Variants in DYNAP observed in about 807,000 individuals in gnomAD.
The protein encoded by DYNAP is dynactin associated protein, also known as dynactin-associated protein.
A neutral mutation model predicts 8.5 loss-of-function variants in DYNAP; 7 were observed. That is an observed-to-expected ratio of 0.82 (90% CI 0.47 to 1.54). The LOEUF is 1.54. Among genes scored for constraint, DYNAP ranks in the 40% most tolerant of loss-of-function variants. The pLI, the probability that DYNAP is intolerant of heterozygous loss-of-function variation, is 0.01. For missense variants in DYNAP, 256 were observed against 224.3 expected, an observed-to-expected ratio of 1.14 and a Z score of -0.90; for synonymous variants, 77 against 77.9, an observed-to-expected ratio of 0.99 and a Z score of 0.06.
At chr18:54,594,312 A>T (rs1911197485) in intron 1 of DYNAP, among the ~76,000 whole-genome samples, 1 of 152,154 alleles carries the variant, frequency 6.6e-6, no homozygotes, top group Non-Finnish European at 1.5e-5. Context: ...TAGGCTTGCA[A>T]GTTCCATTGG....
At chr18:54,589,560 T>A (rs1278652779), upstream of DYNAP, among the ~76,000 whole-genome samples, 1 of 152,192 alleles carries the variant, frequency 6.6e-6, no homozygotes, top group Admixed American at 6.5e-5. Flanking sequence ...CTTTTGATTT[T>A]AAATTTTAAA....
upstream of DYNAP, among the ~76,000 whole-genome samples, chr18:54,584,347 A>T (rs1349448163): frequency 6.6e-6 from 1 of 150,462 alleles, no homozygotes; most frequent in African/African-American, 2.4e-5. Context: ...GACATATTTT[A>T]GAGTATTCAT....
upstream of DYNAP, among the ~76,000 whole-genome samples, chr18:54,584,920 A>G (rs1000355393): frequency 2.2e-4 from 34 of 152,204 alleles, no homozygotes; most frequent in African/African-American, 8.2e-4. Flanking sequence ...AGGCAGGCAG[A>G]AAGTTCAGAG....
At chr18:54,585,334 T>A (rs114988444), upstream of DYNAP, among the ~76,000 whole-genome samples, 1,990 of 152,280 alleles carry the variant, frequency 0.013, 42 homozygotes, top group African/African-American at 0.045. Context: ...TTGTTCATTT[T>A]TCAATTCATA....
In DYNAP at chr18:54,597,853, T is replaced by C. The variant is rs755238610; in HGVS notation, c.263T>C (p.Val88Ala). ...CGCAATGACTGGTCTATGTGGAAAG[T>C]CTTCCTGGCTTGTCTCTTAGCCTGT... ...YCRNDWSMWKVFLACLLACVI... is the reference protein window; with the variant it reads ...YCRNDWSMWKAFLACLLACVI... The change falls in exon 3 of 3, where the codon GTC (valine) becomes GCC (alanine). Residue 88 changes from valine to alanine, a missense_variant. Transcript: ENST00000648945. The C allele has an allele frequency of 3.2e-5, 52 of 1,612,902 alleles. No individual in the cohort carries two copies. The highest frequency in any genetic ancestry group is 1.5e-4 in the South Asian group (14 of 91,018).
intron 2 of DYNAP, among the ~76,000 whole-genome samples, chr18:54,597,588 T>C (rs530591352): frequency 6.6e-6 from 1 of 152,028 alleles, no homozygotes; most frequent in East Asian, 1.9e-4. Flanking sequence ...AAATGGAAAA[T>C]AGAATAAGAG....
rs751193132 is a variant in DYNAP at position 54,598,060 on chromosome 18, C to T, written c.470C>T (p.Thr157Ile). 1.9e-6 allele frequency: 3 copies of T among 1,612,794 alleles called. No homozygotes were observed. Among genetic ancestry groups the T allele is most frequent in the Non-Finnish European group, 2.5e-6 (3 of 1,179,410 alleles). Reference sequence around the variant, plus strand: ...ACCACTTCAACTGTACCTGCAAGTACAGCCACTGAATCTACAACTTCAACA... The same window carrying T: ...ACCACTTCAACTGTACCTGCAAGTATAGCCACTGAATCTACAACTTCAACA... ...MTTTSTVPAS[T>I]ATESTTSTAT... The change falls in exon 3 of 3, where the codon ACA (threonine) becomes ATA (isoleucine). Residue 157 changes from threonine to isoleucine, a missense_variant. Coordinates refer to ENST00000648945, the MANE Select transcript of DYNAP (RefSeq NM_173629.3).
At chr18:54,581,726 C>T in the DYNAP span, among the ~76,000 whole-genome samples, 1 of 151,980 alleles carries the variant, frequency 6.6e-6, no homozygotes, top group Non-Finnish European at 1.5e-5. Flanking sequence ...TATATAAATA[C>T]TGTCAGGTAT....
chr18:54,580,750 A>G, the DYNAP span, among the ~76,000 whole-genome samples: 1 of 152,250 alleles, frequency 6.6e-6, no homozygotes, highest in Non-Finnish European at 1.5e-5. Flanking sequence ...CAGAGCCTGA[A>G]GCAATGGCCA....
chr18:54,579,062 G>A, the DYNAP span, among the ~76,000 whole-genome samples: 1 of 152,162 alleles, frequency 6.6e-6, no homozygotes, highest in Non-Finnish European at 1.5e-5. Context: ...GCCTCCCAAA[G>A]TGCTGGGATT....
chr18:54,576,801 CCAACAACAACAACAA>C, the DYNAP span, among the ~76,000 whole-genome samples: 12 of 149,572 alleles, frequency 8.0e-5, no homozygotes, highest in African/African-American at 2.0e-4. Context: ...AGATCTTATC[CCAACAACAACAACAA>C]CAACAACAAC....
At chr18:54,593,889 G>A (rs1911181265) in intron 1 of DYNAP, among the ~76,000 whole-genome samples, 1 of 152,066 alleles carries the variant, frequency 6.6e-6, no homozygotes, top group Non-Finnish European at 1.5e-5. Context: ...AACCATGACT[G>A]TGTCTCTTCA....
intron 2 of DYNAP, among the ~76,000 whole-genome samples, chr18:54,597,518 T>G (rs563300555): frequency 6.6e-6 from 1 of 152,204 alleles, no homozygotes; most frequent in African/African-American, 2.4e-5. Context: ...ATTTCCTGCT[T>G]AGTTTTGCTG....
upstream of DYNAP, among the ~76,000 whole-genome samples, chr18:54,583,661 CAAT>C (rs753490648): frequency 1.3e-5 from 2 of 152,060 alleles, no homozygotes; most frequent in African/African-American, 2.4e-5. Flanking sequence ...AATAAAATAA[CAAT>C]AAAATTATAC....
At chr18:54,584,259 TTATTTAA>T (rs1222350310), upstream of DYNAP, among the ~76,000 whole-genome samples, 8 of 147,444 alleles carry the variant, frequency 5.4e-5, no homozygotes, top group Non-Finnish European at 7.5e-5. Flanking sequence ...AAACAAATAT[TTATTTAA>T]TATTTAATAT....
chr18:54,591,048 T>C (rs975151182), upstream of DYNAP: 2 of 623,538 alleles, frequency 3.2e-6, no homozygotes, highest in Non-Finnish European at 5.0e-6. Context: ...CACAAAAGCT[T>C]TCAGAGGAAG....
the DYNAP span, among the ~76,000 whole-genome samples, chr18:54,580,921 GA>G: frequency 3.3e-5 from 5 of 150,854 alleles, no homozygotes; most frequent in African/African-American, 7.3e-5. Context: ...AATTTTCCTA[GA>G]AAAAAAAATC....
At chr18:54,585,693 C>T (rs1910851702), upstream of DYNAP, among the ~76,000 whole-genome samples, 1 of 152,198 alleles carries the variant, frequency 6.6e-6, no homozygotes, top group African/African-American at 2.4e-5. Context: ...TCCTGCCTAC[C>T]TGCTGCTCCT....
intron 1 of DYNAP, 89 bp downstream of exon 1, chr18:54,591,428 C>A (rs978428502): frequency 7.2e-7 from 1 of 1,397,894 alleles, no homozygotes; most frequent in South Asian, 1.7e-5. Flanking sequence ...TTATTACTAT[C>A]TAGCCAACAT....
Sources: gnomAD v4.1 joint callset for allele counts (sites outside exome capture counted in the v4.1 genomes callset) on GRCh38, gnomAD v4.1.1 for gene constraint, MANE v1.5 for transcripts, NCBI Gene and HGNC (gene_info 2026-07-23, HGNC 2026-07-21) for gene names.